Variants in LGMN observed in about 807,000 individuals in gnomAD.
LGMN encodes the protein asparaginyl endopeptidase.
In LGMN, 36 loss-of-function variants were observed where a neutral mutation model predicts 56.8. That is an observed-to-expected ratio of 0.63 (90% CI 0.49 to 0.84). The LOEUF is 0.84. LGMN is among the 40% of genes least tolerant of loss of function. The pLI, the probability that LGMN is intolerant of heterozygous loss-of-function variation, is 0.00. For synonymous variants in LGMN, 199 were observed against 210.1 expected (o/e 0.95, Z 0.46); for missense variants, 446 against 556.1 (o/e 0.80, Z 1.99).
At chr14:92,706,958 C>T (rs1329006297) in intron 11 of LGMN, among the ~76,000 whole-genome samples, 2 of 152,186 alleles carry the variant, frequency 1.3e-5, no homozygotes, top group African/African-American at 2.4e-5. Flanking sequence ...GACGACTGTG[C>T]CGTGAGGGTG....
chr14:92,712,081 G>T (rs1889812014), intron 8 of LGMN, 126 bp from the exon 9 acceptor site: 1 of 717,464 alleles, frequency 1.4e-6, no homozygotes, highest in Non-Finnish European at 2.5e-6. Flanking sequence ...ACACAGGAGG[G>T]CAGGGACACG....
At chr14:92,745,263 G>T (rs1891767407) in intron 1 of LGMN, among the ~76,000 whole-genome samples, 1 of 152,102 alleles carries the variant, frequency 6.6e-6, no homozygotes, top group Non-Finnish European at 1.5e-5. Flanking sequence ...TGAAACCTGG[G>T]ACCAGTGCAG....
intron 10 of LGMN, among the ~76,000 whole-genome samples, chr14:92,710,891 C>A (rs1182112546): frequency 6.6e-6 from 1 of 152,222 alleles, no homozygotes; most frequent in Non-Finnish European, 1.5e-5. Context: ...GTCCCCCATC[C>A]CATGCCCTGC....
chr14:92,730,180 G>C (rs941775180), intron 2 of LGMN, among the ~76,000 whole-genome samples: 1 of 152,180 alleles, frequency 6.6e-6, no homozygotes, highest in Non-Finnish European at 1.5e-5. Context: ...AGAAAACTGA[G>C]AGCTGAACAG....
At chr14:92,711,582 G>C in intron 10 of LGMN, 77 bp downstream of exon 10, 1 of 1,270,604 alleles carries the variant, frequency 7.9e-7, no homozygotes, top group Admixed American at 1.7e-5. Context: ...TGTCTCTTTA[G>C]CAAGAGATCA....
In LGMN at chr14:92,744,158, G is replaced by GA. The variant is rs1047926104; in HGVS notation, c.-30+4330dup. Among the ~76,000 whole-genome samples, 530 of 138,330 alleles carry GA rather than the reference G, an allele frequency of 3.8e-3. 2 individuals carry two copies. The highest frequency in any genetic ancestry group is 0.013 in the African/African-American group (490 of 37,678). 90.7% of individuals were successfully genotyped at this position (138,330 alleles called of 152,430 possible). ...ACAGGGTAAGCTCTGTCTCCAAAAA[G>GA]AAAAAAAAAAAGAAAAAGAAAAATC... On this transcript the variant is annotated intron_variant, in intron 1 of 13. Coordinates refer to ENST00000334869, the MANE Select transcript of LGMN (RefSeq NM_005606.7).
chr14:92,714,994 A>ATTTT lies in LGMN; in HGVS notation c.405-547_405-544dup, dbSNP rs780256263. On this transcript the variant is annotated intron_variant, in intron 5 of 13. Transcript: ENST00000334869. The surrounding 1 kb of genome is among the most constrained non-coding windows in gnomAD (Gnocchi z 5.1). The stretch of plus-strand genomic sequence containing the variant: ...CTCACAGATGTCCATCTCCATACTA[A>ATTTT]TTTTTTTTTTTTTTTTTTTTTTGAG... 9.5e-3 allele frequency among the ~76,000 whole-genome samples: 1,208 copies of ATTTT among 127,304 alleles called. 45 individuals are homozygous for ATTTT. The highest frequency in any genetic ancestry group is 0.035 in the African/African-American group (1,136 of 32,408). 83.5% of individuals were successfully genotyped at this position (127,304 alleles called of 152,430 possible).
chr14:92,707,504 G>C lies in LGMN; in HGVS notation c.1021-851C>G, dbSNP rs939969263. 3.9e-5 allele frequency among the ~76,000 whole-genome samples: 6 copies of C among 152,166 alleles called. No individual in the cohort carries two copies. The South Asian group carries it at 1.2e-3, about 32-fold the overall frequency. On this transcript the variant is annotated intron_variant, in intron 11 of 13. Transcript: ENST00000334869. ...CACTTCAGCCGAAAGAACAGCGCCC[G>C]ACGGCGAAAGCAGAAGCCAGTTCAA...
At chr14:92,726,062 C>A (rs961479455) in intron 2 of LGMN, among the ~76,000 whole-genome samples, 2 of 151,444 alleles carry the variant, frequency 1.3e-5, no homozygotes, top group East Asian at 4.0e-4. Flanking sequence ...CATGGTAAAA[C>A]CCTGTCTCTA....
At chr14:92,730,126 G>A (rs1031142549) in intron 2 of LGMN, among the ~76,000 whole-genome samples, 9 of 152,200 alleles carry the variant, frequency 5.9e-5, no homozygotes, top group African/African-American at 2.2e-4. Context: ...TCTGTGGTCT[G>A]TATTTCACAA....
intron 1 of LGMN, among the ~76,000 whole-genome samples, chr14:92,735,774 T>C (rs1310588492): frequency 6.6e-6 from 1 of 152,096 alleles, no homozygotes; most frequent in Non-Finnish European, 1.5e-5. Context: ...GTAACTACAG[T>C]AAGATGCTCC....
intron 13 of LGMN, 35 bp from the exon 14 acceptor site, chr14:92,704,396 T>C (rs2250672): frequency 0.5 from 772,783 of 1,531,416 alleles, 198,256 homozygotes; most frequent in African/African-American, 0.7. Flanking sequence ...TGGTGAACCG[T>C]GTCAACTCTG....
At chr14:92,735,681 C>T (rs1389674581) in intron 1 of LGMN, among the ~76,000 whole-genome samples, 2 of 152,214 alleles carry the variant, frequency 1.3e-5, no homozygotes, top group Non-Finnish European at 2.9e-5. Flanking sequence ...CTAACAGGAA[C>T]TTAATTCTTA....
At chr14:92,738,629 G>A (rs897392850) in intron 1 of LGMN, among the ~76,000 whole-genome samples, 1 of 151,970 alleles carries the variant, frequency 6.6e-6, no homozygotes, top group African/African-American at 2.4e-5. Context: ...CTGCTCCATC[G>A]TTCTTTTTTC....
At chr14:92,746,540 C>A (rs191636695) in intron 1 of LGMN, among the ~76,000 whole-genome samples, 2 of 152,302 alleles carry the variant, frequency 1.3e-5, no homozygotes, top group Admixed American at 1.3e-4. Flanking sequence ...GTCTTTAAAA[C>A]CCTTGTAATT....
intron 2 of LGMN, among the ~76,000 whole-genome samples, chr14:92,721,252 T>A (rs531034830): frequency 6.6e-6 from 1 of 152,168 alleles, no homozygotes; most frequent in Non-Finnish European, 1.5e-5. Flanking sequence ...GGAGTCAGTG[T>A]CCAAGTGATG....
chr14:92,706,675 C>A, intron 11 of LGMN, 22 bp from the exon 12 acceptor site: 1 of 1,542,594 alleles, frequency 6.5e-7, no homozygotes, highest in South Asian at 1.2e-5. Context: ...CGCGGCCTGT[C>A]AGAATGTGCC....
Position 92,703,923 on chromosome 14 carries a change from C to A in LGMN, c.*396G>T. 1.9e-6 allele frequency: 1 copy of A among 524,362 alleles called. No individual in the cohort carries two copies. Among genetic ancestry groups the A allele is most frequent in the Non-Finnish European group, 3.4e-6 (1 of 295,946 alleles). The allele number at this position is 524,362 out of a possible 1,614,324, so 32.5% of individuals were successfully genotyped here. ...AAAACAGTTTTCCATTTGGGGCTTG[C>A]GGCCCTCTTCAATAAAATCATTCTG... On this transcript the variant is annotated 3_prime_UTR_variant, in exon 14 of 14. Coordinates refer to ENST00000334869, the MANE Select transcript of LGMN (RefSeq NM_005606.7).
At chr14:92,718,545 G>A (rs1483551221) in intron 3 of LGMN, among the ~76,000 whole-genome samples, 1 of 151,790 alleles carries the variant, frequency 6.6e-6, no homozygotes, top group Non-Finnish European at 1.5e-5. Context: ...CTGCACTCCA[G>A]CCTGGGCAAC....
Sources: gnomAD v4.1 joint callset for allele counts (sites outside exome capture counted in the v4.1 genomes callset) on GRCh38, gnomAD v4.1.1 for gene constraint, Gnocchi (gnomAD v3.1) non-coding constraint, MANE v1.5 for transcripts, NCBI Gene and HGNC (gene_info 2026-07-23, HGNC 2026-07-21) for gene names.